ANKRD6: variants seen among roughly 807,000 people sequenced by gnomAD.
ANKRD6 encodes the protein ankyrin repeat domain-containing protein 6.
Under a neutral mutation model 82.3 loss-of-function variants are expected in ANKRD6, and 56 were observed. The observed-to-expected ratio is 0.68, with a 90% CI of 0.55 to 0.85. The LOEUF is 0.85. ANKRD6 is among the 40% of genes least tolerant of loss of function. The probability of loss-of-function intolerance (pLI) is 0.00; values close to 1 mark genes in which losing one functional copy is unlikely to be tolerated. For missense variants in ANKRD6, 852 were observed against 907.6 expected, an observed-to-expected ratio of 0.94 and a Z score of 0.79; for synonymous variants, 347 against 352.1, an observed-to-expected ratio of 0.99 and a Z score of 0.16.
chr6:89,435,759 G>A (rs1281924329), intron 1 of ANKRD6, among the ~76,000 whole-genome samples: 2 of 152,282 alleles, frequency 1.3e-5, no homozygotes, highest in East Asian at 1.9e-4. Context: ...GGGTGCGTGC[G>A]TTTTAGAAGT....
At chr6:89,556,407 G>A (rs1237452551) in intron 1 of ANKRD6, among the ~76,000 whole-genome samples, 1 of 152,212 alleles carries the variant, frequency 6.6e-6, no homozygotes, top group African/African-American at 2.4e-5. Flanking sequence ...CTTGTATAAA[G>A]TTATCTTTTA....
intron 1 of ANKRD6, among the ~76,000 whole-genome samples, chr6:89,470,657 A>G (rs1203758256): frequency 7.3e-6 from 1 of 137,338 alleles, no homozygotes; most frequent in Non-Finnish European, 1.5e-5. Context: ...TCCCCCTTTA[A>G]ATGAGCATTT....
At chr6:89,582,621 CACTA>C (rs1453525781) in intron 2 of ANKRD6, among the ~76,000 whole-genome samples, 2 of 152,190 alleles carry the variant, frequency 1.3e-5, no homozygotes, top group African/African-American at 4.8e-5. Context: ...ACCCATTAAA[CACTA>C]ACTCCCCTTT....
Position 89,630,747 on chromosome 6 carries a change from G to C in ANKRD6, c.1927G>C (p.Gly643Arg), listed in dbSNP as rs370643391. 20 of 1,613,696 alleles carry C rather than the reference G, an allele frequency of 1.2e-5. 1 individual carries two copies. In the South Asian group the frequency reaches 1.9e-4, roughly 15 times the overall value. ...GCAACCCGCAGCCAGCAGCACCTGT[G>C]GGCAGCCGCCACCAGCCACAGGCAG... The part of the protein sequence containing the change: ...AQQPAASSTC[G>R]QPPPATGSEQ... Residue 643 changes from glycine to arginine, a missense_variant, in exon 16 of 16, where the codon GGG (glycine) becomes CGG (arginine). Physicochemically the swap from Gly to Arg is moderately radical, Grantham distance 125. Transcript: ENST00000339746.
intron 2 of ANKRD6, among the ~76,000 whole-genome samples, chr6:89,590,746 G>C (rs1794715478): frequency 6.6e-6 from 1 of 152,058 alleles, no homozygotes; most frequent in South Asian, 2.1e-4. Flanking sequence ...GCTGAGCTCA[G>C]ATGGCTGACG....
rs935492885 is a variant in ANKRD6, at chr6:89,613,783, T to C, written c.517-9T>C. The C allele has an allele frequency of 1.2e-6, 2 of 1,612,996 alleles. No homozygotes were observed. Among genetic ancestry groups the C allele is most frequent in the African/African-American group, 2.7e-5 (2 of 74,906 alleles). The stretch of plus-strand genomic sequence containing the variant: ...CAGATTGTGCTTAGAGTTTGATTTT[T>C]GTCCGCAGGCAGGAGACACCTGTTT... On this transcript the variant is annotated splice_polypyrimidine_tract_variant and intron_variant, in intron 6 of 15. Coordinates refer to ENST00000339746, the MANE Select transcript of ANKRD6 (RefSeq NM_001242809.2).
chr6:89,482,378 G>T (rs1274606126), intron 1 of ANKRD6, among the ~76,000 whole-genome samples: 1 of 152,234 alleles, frequency 6.6e-6, no homozygotes, highest in Non-Finnish European at 1.5e-5. Context: ...CATTATAAGA[G>T]TGGCTTCATC....
Position 89,624,031 on chromosome 6 carries a change from CG to C in ANKRD6, c.1196del (p.Gly399AlafsTer6). ...GGCGTATCAGCTCTACACATTGTAC[CG>C]GGGCAAGGATGGGAAAGTGATGCAG... is the stretch of plus-strand genomic sequence containing the variant. ...FRAYQLYTLY[R>X]GKDGKVMQAP... On this transcript the variant is annotated frameshift_variant, in exon 12 of 16. Coordinates refer to ENST00000339746, the MANE Select transcript of ANKRD6 (RefSeq NM_001242809.2). LOFTEE classifies it high-confidence loss of function. 6.2e-7 allele frequency: 1 copy of C among 1,607,814 alleles called. No homozygotes were observed. Among genetic ancestry groups the C allele is most frequent in the Non-Finnish European group, 8.5e-7 (1 of 1,176,468 alleles).
chr6:89,473,072 A>G (rs1775656455), intron 1 of ANKRD6, among the ~76,000 whole-genome samples: 1 of 152,142 alleles, frequency 6.6e-6, no homozygotes, highest in Non-Finnish European at 1.5e-5. Context: ...TTACATAGCC[A>G]TTGCTGTAGG....
chr6:89,533,812 C>G (rs1381286532), intron 1 of ANKRD6, among the ~76,000 whole-genome samples: 7 of 148,596 alleles, frequency 4.7e-5, no homozygotes, highest in Admixed American at 6.7e-5. Flanking sequence ...TGAGAGCAAC[C>G]CTCTCTGCCT....
At chr6:89,537,597 T>C (rs1192108093) in intron 1 of ANKRD6, among the ~76,000 whole-genome samples, 2 of 151,478 alleles carry the variant, frequency 1.3e-5, no homozygotes, top group Non-Finnish European at 2.9e-5. Context: ...TATAATATGT[T>C]TTATATTTTA....
At chr6:89,601,887 G>A (rs1437575390) in intron 3 of ANKRD6, 3 of 152,102 alleles carry the variant, frequency 2.0e-5, no homozygotes, top group Non-Finnish European at 4.4e-5. Flanking sequence ...TCTTATGATG[G>A]CCTCTGTCCT....
At chr6:89,472,579 G>A (rs558973759) in intron 1 of ANKRD6, among the ~76,000 whole-genome samples, 8 of 152,250 alleles carry the variant, frequency 5.3e-5, no homozygotes, top group African/African-American at 1.9e-4. Context: ...ACTGTGTTCT[G>A]TACCATTAAC....
chr6:89,544,943 G>A (rs535846383), intron 1 of ANKRD6, among the ~76,000 whole-genome samples: 1 of 152,014 alleles, frequency 6.6e-6, no homozygotes, highest in East Asian at 2.0e-4. Flanking sequence ...GCCAGGCACG[G>A]TGGCTCACGC....
At chr6:89,575,559 G>A (rs1449293543) in intron 2 of ANKRD6, among the ~76,000 whole-genome samples, 1 of 152,114 alleles carries the variant, frequency 6.6e-6, no homozygotes, top group Non-Finnish European at 1.5e-5. Context: ...ATCTGCAAAT[G>A]TTTTATTGAC....
At chr6:89,531,464 A>G (rs1403261076) in intron 1 of ANKRD6, among the ~76,000 whole-genome samples, 3 of 152,352 alleles carry the variant, frequency 2.0e-5, no homozygotes, top group African/African-American at 7.2e-5. Context: ...GGATTCTTCC[A>G]TTTCTGCTTC....
chr6:89,534,342 G>C (rs992585838), intron 1 of ANKRD6, among the ~76,000 whole-genome samples: 3 of 152,004 alleles, frequency 2.0e-5, no homozygotes, highest in African/African-American at 7.3e-5. Flanking sequence ...ATTACCCTGC[G>C]GTTGTTGCCT....
chr6:89,451,426 T>C (rs1240562614), intron 1 of ANKRD6, among the ~76,000 whole-genome samples: 1 of 152,220 alleles, frequency 6.6e-6, no homozygotes, highest in African/African-American at 2.4e-5. Context: ...TAAACAGCCA[T>C]CTTCTATTAT....
chr6:89,616,580 G>C lies in ANKRD6; in HGVS notation c.637G>C (p.Val213Leu). 1 of 1,614,014 alleles carries C rather than the reference G, an allele frequency of 6.2e-7. No individual in the cohort carries two copies. The highest frequency in any genetic ancestry group is 1.1e-5 in the South Asian group (1 of 91,080). Residue 213 changes from valine (V) to leucine (L), a missense_variant, in exon 8 of 16, where the codon GTT (valine) becomes CTT (leucine). Coordinates refer to ENST00000339746, the MANE Select transcript of ANKRD6 (RefSeq NM_001242809.2). ...CCAGGCTGGAGACACAGCACTTCACGTTGCTGCTGCCCTAAATCACAAGAA... is the reference window on the plus strand; with the variant it reads ...CCAGGCTGGAGACACAGCACTTCACCTTGCTGCTGCCCTAAATCACAAGAA... ...KNQAGDTALH[V>L]AAALNHKKVA...
Sources: gnomAD v4.1 joint callset for allele counts (sites outside exome capture counted in the v4.1 genomes callset) on GRCh38, gnomAD v4.1.1 for gene constraint, MANE v1.5 for transcripts, NCBI Gene and HGNC (gene_info 2026-07-23, HGNC 2026-07-21) for gene names.